The following RHOC variants were observed in gnomAD, a reference collection of about 807,000 sequenced individuals.
RHOC encodes ras homolog family member C.
RHOC carries 13 observed loss-of-function variants against 19.5 expected under a neutral mutation model. The observed-to-expected ratio is 0.67, with a 90% CI of 0.43 to 1.06. The LOEUF (loss-of-function observed/expected upper bound fraction) is 1.06, where lower values mean the gene tolerates loss of function less well. RHOC is among the 50% of genes least tolerant of loss of function. The probability of loss-of-function intolerance (pLI) is 0.00; values close to 1 mark genes in which losing one functional copy is unlikely to be tolerated. For synonymous variants in RHOC, 106 were observed against 97.3 expected (o/e 1.09, Z -0.52); for missense variants, 173 against 256.9 (o/e 0.67, Z 2.23).
chr1:112,702,501 G>T, intron 5 of RHOC, 62 bp downstream of exon 5: 1 of 1,575,254 alleles, frequency 6.3e-7, no homozygotes, highest in South Asian at 1.1e-5. Context: ...CCCTTTGCCC[G>T]TCTGCAACCC....
rs1336355723 is a variant in RHOC at position 112,706,478 on chromosome 1, A to ACCCC, written c.-77+599_-77+600insGGGG. Among the ~76,000 whole-genome samples the ACCCC allele has an allele frequency of 2.9e-3, 15 of 5,126 alleles. 2 individuals are homozygous for ACCCC. The highest frequency in any genetic ancestry group is 6.0e-3 in the Admixed American group (3 of 502). 3.4% of individuals were successfully genotyped at this position (5,126 alleles called of 152,430 possible). A position where few individuals can be genotyped will look rare whatever the true frequency, so the allele number is the denominator to read the frequency against. ...ACACACACACACCACACACACACAC[A>ACCCC]CACACACACACACACACACACACAC... On this transcript the variant is annotated intron_variant, in intron 1 of 5. Coordinates refer to ENST00000339083, the MANE Select transcript of RHOC (RefSeq NM_175744.5).
At position 112,705,166 on chromosome 1, in the gene RHOC, A is replaced by C. The variant is rs557948716; in HGVS notation, c.-74T>G. On this transcript the variant is annotated splice_region_variant and 5_prime_UTR_variant, in exon 2 of 6. Transcript: ENST00000339083. ...GGGCTCTGGAGCTGAGATGAAGTCA[A>C]GGCTGTTGGGAAGGGGGAGGGGGCT... 1.4e-6 allele frequency: 1 copy of C among 702,226 alleles called. No homozygotes were observed. Among genetic ancestry groups the C allele is most frequent in the African/African-American group, 1.7e-5 (1 of 57,318 alleles). The allele number at this position is 702,226 out of a possible 1,614,324, so 43.5% of individuals were successfully genotyped here.
Position 112,701,486 on chromosome 1 carries a change from T to C in RHOC, c.*54A>G, listed in dbSNP as rs773150755. 6.2e-7 allele frequency: 1 copy of C among 1,613,866 alleles called. No individual in the cohort carries two copies. The highest frequency in any genetic ancestry group is 1.1e-5 in the South Asian group (1 of 91,078). On this transcript the variant is annotated 3_prime_UTR_variant, in exon 6 of 6. Coordinates refer to ENST00000339083, the MANE Select transcript of RHOC (RefSeq NM_175744.5). ...TCAGGAGGCTGGGGTTGTAGGGGGATAATTTCTGTACCCCTGTGAAGGGAG... is the reference window on the plus strand; with the variant it reads ...TCAGGAGGCTGGGGTTGTAGGGGGACAATTTCTGTACCCCTGTGAAGGGAG...
intron 2 of RHOC, among the ~76,000 whole-genome samples, chr1:112,704,007 C>A (rs920662443): frequency 1.3e-5 from 2 of 152,136 alleles, no homozygotes; most frequent in Non-Finnish European, 2.9e-5. Context: ...AGGTCTCCCT[C>A]GATGGGTTAG....
In RHOC at chr1:112,701,599, T is replaced by C. The variant is rs1370669974; in HGVS notation, c.523A>G (p.Thr175Ala). The part of the protein sequence containing the change: ...EGVREVFEMA[T>A]RAGLQVRKNK... ...TTGCGGACCTGGAGGCCAGCCCGAG[T>C]GGCCATCTCAAACACCTCCCGCACT... Residue 175 changes from threonine (T) to alanine (A), a missense_variant, in exon 6 of 6, where the codon ACT becomes GCT. Physicochemically the swap from Thr to Ala is moderately conservative, Grantham distance 58. Transcript: ENST00000339083. 6.2e-7 allele frequency: 1 copy of C among 1,613,866 alleles called. No homozygotes were observed. Among genetic ancestry groups the C allele is most frequent in the African/African-American group, 1.3e-5 (1 of 74,852 alleles).
intron 1 of RHOC, chr1:112,705,999 C>G (rs1279178730): frequency 3.7e-6 from 1 of 268,958 alleles, no homozygotes; most frequent in Non-Finnish European, 7.6e-6. Context: ...AGCAGGCAGC[C>G]CAGGCCAGGA....
At chr1:112,703,479 T>A in intron 3 of RHOC, 165 bp downstream of exon 3, 1 of 752,256 alleles carries the variant, frequency 1.3e-6, no homozygotes, top group South Asian at 1.5e-5. Flanking sequence ...CCAGAAAGTA[T>A]ATCCAGGTTT....
chr1:112,705,967 C>T, intron 1 of RHOC: 1 of 307,376 alleles, frequency 3.3e-6, no homozygotes, highest in Non-Finnish European at 6.6e-6. Flanking sequence ...ACTTTCCCTC[C>T]AGGCTATGAT....
chr1:112,703,598 G>T, intron 3 of RHOC, 46 bp downstream of exon 3: 1 of 1,521,742 alleles, frequency 6.6e-7, no homozygotes, highest in Non-Finnish European at 9.1e-7. Context: ...CAGTGACTGG[G>T]GGGCGGGGTC....
At chr1:112,703,355 T>A (rs1482197053) in intron 3 of RHOC, 3 of 708,300 alleles carry the variant, frequency 4.2e-6, no homozygotes, top group Non-Finnish European at 5.0e-6. Flanking sequence ...TGGTTAATTC[T>A]CACAACAACC....
At chr1:112,704,029 G>A (rs146068573) in intron 2 of RHOC, among the ~76,000 whole-genome samples, 1 of 152,254 alleles carries the variant, frequency 6.6e-6, no homozygotes, top group African/African-American at 2.4e-5. Flanking sequence ...ATACAGTGGT[G>A]GGAGGTAGAT....
intron 5 of RHOC, 22 bp downstream of exon 5, chr1:112,702,541 C>A (rs1158886706): frequency 1.1e-5 from 18 of 1,612,328 alleles, no homozygotes; most frequent in Admixed American, 1.7e-5. Context: ...CCCAGGGGCT[C>A]CAGCCTGGCA....
intron 1 of RHOC, among the ~76,000 whole-genome samples, chr1:112,706,480 A>ACCCCCCCACAC (rs1557780720): frequency 6.8e-4 from 5 of 7,396 alleles, no homozygotes; most frequent in Admixed American, 1.7e-3. Context: ...ACACACACAC[A>ACCCCCCCACAC]CACACACACA....
rs1557780753 is a variant in RHOC at position 112,706,486 on chromosome 1, A to ACCCCCACAC, written c.-77+591_-77+592insGTGTGGGGG. On this transcript the variant is annotated intron_variant, in intron 1 of 5. Coordinates refer to ENST00000339083, the MANE Select transcript of RHOC (RefSeq NM_175744.5). The stretch of plus-strand genomic sequence containing the variant: ...ACACCACACACACACACACACACAC[A>ACCCCCACAC]CACACACACACACACACACACACAC... 6.8e-3 allele frequency among the ~76,000 whole-genome samples: 120 copies of ACCCCCACAC among 17,656 alleles called. 5 individuals are homozygous for ACCCCCACAC. Among genetic ancestry groups the ACCCCCACAC allele is most frequent in the African/African-American group, 0.018 (96 of 5,284 alleles). The allele number at this position is 17,656 out of a possible 152,430, so 11.6% of individuals were successfully genotyped here.
chr1:112,702,621 T>C lies in RHOC; in HGVS notation c.350A>G (p.Asn117Ser). The C allele has an allele frequency of 6.2e-7, 1 of 1,614,024 alleles. No homozygotes were observed. Among genetic ancestry groups the C allele is most frequent in the Non-Finnish European group, 8.5e-7 (1 of 1,179,948 alleles). The change falls in exon 5 of 6, where the codon AAT (asparagine) becomes AGT (serine). Residue 117 changes from asparagine to serine, a missense_variant. This residue lies in a region of RHOC where 92 missense variants were observed against 171.1 expected (regional missense o/e 0.54). Transcript: ENST00000339083. Reference protein sequence around the residue: ...CPNVPIILVGNKKDLRQDEHT... With the variant: ...CPNVPIILVGSKKDLRQDEHT... ...CTCGTCTTGCCTCAGGTCCTTCTTA[T>C]TCCCCACCAGGATGATGGGCACGTT...
rs1176645269 is a variant in RHOC, at chr1:112,701,513, G to T, written c.*27C>A. The T allele has an allele frequency of 1.9e-6, 3 of 1,614,074 alleles. No individual in the cohort carries two copies. In the East Asian group the frequency reaches 6.7e-5, roughly 36 times the overall value. On this transcript the variant is annotated 3_prime_UTR_variant, in exon 6 of 6. Coordinates refer to ENST00000339083, the MANE Select transcript of RHOC (RefSeq NM_175744.5). The stretch of plus-strand genomic sequence containing the variant: ...ATTTCTGTACCCCTGTGAAGGGAGG[G>T]GGCATGTAGGAAAGGCCTTGGGGAT...
intron 1 of RHOC, among the ~76,000 whole-genome samples, chr1:112,706,471 CACACACACACACACACACACACA>C (rs1674872921): frequency 6.0e-4 from 2 of 3,356 alleles, no homozygotes; most frequent in Non-Finnish European, 2.0e-3. Context: ...ACACCACACA[CACACACACACACACACACACACA>C]CACACACACA....
At chr1:112,707,148 C>G (rs1282681984), upstream of RHOC, 3 of 150,950 alleles carry the variant, frequency 2.0e-5, no homozygotes, top group African/African-American at 7.3e-5. Flanking sequence ...CCCCGCCCCG[C>G]CCTCCTCCAG....
chr1:112,705,513 A>C, intron 1 of RHOC: 1 of 515,272 alleles, frequency 1.9e-6, no homozygotes, highest in East Asian at 5.0e-5. Context: ...GAGTCAGAGA[A>C]TTTACAGGAG....
Sources: gnomAD v4.1 joint callset for allele counts (sites outside exome capture counted in the v4.1 genomes callset) on GRCh38, gnomAD v4.1.1 for gene constraint, gnomAD v4.1.1 regional missense constraint, MANE v1.5 for transcripts, NCBI Gene and HGNC (gene_info 2026-07-23, HGNC 2026-07-21) for gene names.